ARHGEF26: variants seen among roughly 807,000 people sequenced by gnomAD.
ARHGEF26 encodes the protein Rho guanine nucleotide exchange factor 26.
A neutral mutation model predicts 89.4 loss-of-function variants in ARHGEF26; 59 were observed. The ratio of observed to expected loss-of-function variants is 0.66; its 90% CI spans 0.54 to 0.82. The LOEUF is 0.82. ARHGEF26 is among the 40% of genes least tolerant of loss of function. The pLI is 0.00. For missense variants in ARHGEF26, 1,234 were observed against 1,085.6 expected, an observed-to-expected ratio of 1.14 and a Z score of -1.92; for synonymous variants, 500 against 428.4, an observed-to-expected ratio of 1.17 and a Z score of -2.06.
At chr3:154,201,293 G>C (rs1225556996) in intron 9 of ARHGEF26, among the ~76,000 whole-genome samples, 1 of 151,924 alleles carries the variant, frequency 6.6e-6, no homozygotes, top group Admixed American at 6.6e-5. Context: ...TGAGAATGAT[G>C]GTTTCCAGCT....
intron 9 of ARHGEF26, among the ~76,000 whole-genome samples, chr3:154,201,669 T>G (rs1250134337): frequency 1.3e-5 from 2 of 150,780 alleles, no homozygotes; most frequent in African/African-American, 4.8e-5. Context: ...GCACCTGTTG[T>G]TTCCTGACTT....
At chr3:154,224,834 T>C (rs1428768000) in intron 10 of ARHGEF26, among the ~76,000 whole-genome samples, 2 of 152,234 alleles carry the variant, frequency 1.3e-5, no homozygotes, top group Non-Finnish European at 2.9e-5. Context: ...ATAAAAGCTC[T>C]TTATAAAGTT....
chr3:154,217,024 A>C (rs1049910168), intron 9 of ARHGEF26, among the ~76,000 whole-genome samples: 1 of 145,270 alleles, frequency 6.9e-6, no homozygotes, highest in Non-Finnish European at 1.5e-5. Flanking sequence ...TAGCAGCATG[A>C]TTTATAGTCC....
At chr3:154,135,689 T>A (rs912736020) in intron 4 of ARHGEF26, among the ~76,000 whole-genome samples, 1 of 152,154 alleles carries the variant, frequency 6.6e-6, no homozygotes, top group African/African-American at 2.4e-5. Flanking sequence ...AAATATTGAT[T>A]GTATTAGTCA....
intron 2 of ARHGEF26, 45 bp downstream of exon 2, chr3:154,123,120 G>A (rs757822119): frequency 5.5e-5 from 88 of 1,605,792 alleles, no homozygotes; most frequent in Non-Finnish European, 7.2e-5. Context: ...TAAGCGGAAA[G>A]TAAATGTGTT....
At chr3:154,159,109 A>G (rs956468407) in intron 6 of ARHGEF26, among the ~76,000 whole-genome samples, 3 of 152,212 alleles carry the variant, frequency 2.0e-5, no homozygotes, top group Middle Eastern at 3.4e-3. Flanking sequence ...AAATTAGATG[A>G]GTCTTTGCTT....
At chr3:154,198,067 C>T (rs1032513697) in intron 9 of ARHGEF26, among the ~76,000 whole-genome samples, 2 of 152,072 alleles carry the variant, frequency 1.3e-5, no homozygotes, top group Admixed American at 6.6e-5. Flanking sequence ...TTTCGTATAA[C>T]GTATTGCTTC....
chr3:154,174,702 A>G (rs1382426771), intron 6 of ARHGEF26, among the ~76,000 whole-genome samples: 1 of 152,054 alleles, frequency 6.6e-6, no homozygotes, highest in Non-Finnish European at 1.5e-5. Flanking sequence ...CAGATTTTTT[A>G]TATTAGAGCA....
In ARHGEF26 at chr3:154,256,981, T is replaced by C. The variant is rs897045548; in HGVS notation, c.*1508T>C. ...AGCTATATTCCCTCTCTGTTCTATT[T>C]GCTTTAACAAAGGGATAAAACCTGG... On this transcript the variant is annotated 3_prime_UTR_variant, in exon 15 of 15. Transcript: ENST00000465093. 2.0e-6 allele frequency: 3 copies of C among 1,523,140 alleles called. No individual in the cohort carries two copies. In the East Asian group the frequency reaches 7.4e-5, roughly 38 times the overall value. 94.4% of individuals were successfully genotyped at this position (1,523,140 alleles called of 1,614,324 possible). A position where few individuals can be genotyped will look rare whatever the true frequency, so the allele number is the denominator to read the frequency against.
At chr3:154,190,543 C>T (rs1158771827) in intron 7 of ARHGEF26, among the ~76,000 whole-genome samples, 1 of 152,132 alleles carries the variant, frequency 6.6e-6, no homozygotes, top group Non-Finnish European at 1.5e-5. Context: ...CTGGGTTTGA[C>T]TTCTGTCTTT....
At chr3:154,239,659 G>T (rs1029836813) in intron 11 of ARHGEF26, among the ~76,000 whole-genome samples, 3 of 152,072 alleles carry the variant, frequency 2.0e-5, no homozygotes, top group Non-Finnish European at 2.9e-5. Context: ...CTTAAATGAG[G>T]GAATTGCATT....
At chr3:154,228,368 C>A (rs1180208387) in intron 11 of ARHGEF26, among the ~76,000 whole-genome samples, 2 of 151,580 alleles carry the variant, frequency 1.3e-5, no homozygotes, top group East Asian at 3.9e-4. Context: ...AACTCCTGAC[C>A]TCAGGTGATC....
At chr3:154,188,307 C>G (rs965754304) in intron 7 of ARHGEF26, among the ~76,000 whole-genome samples, 17 of 152,170 alleles carry the variant, frequency 1.1e-4, no homozygotes, top group African/African-American at 3.6e-4. Flanking sequence ...TTATTCCCCC[C>G]ACTTGGGTAG....
At chr3:154,172,954 T>A (rs796788596) in intron 6 of ARHGEF26, among the ~76,000 whole-genome samples, 26 of 152,176 alleles carry the variant, frequency 1.7e-4, no homozygotes, top group African/African-American at 6.3e-4. Flanking sequence ...AATTGTTGAC[T>A]TTGAAGTAAA....
Position 154,256,613 on chromosome 3 carries a change from T to C in ARHGEF26, c.*1140T>C. 9.2e-7 allele frequency: 1 copy of C among 1,088,216 alleles called. No individual in the cohort carries two copies. The highest frequency in any genetic ancestry group is 1.1e-6 in the Non-Finnish European group (1 of 900,170). 67.4% of individuals were successfully genotyped at this position (1,088,216 alleles called of 1,614,324 possible). On this transcript the variant is annotated 3_prime_UTR_variant, in exon 15 of 15. Transcript: ENST00000465093. ...AGCTGATAAAAAACTGACGTGAGGC[T>C]GCTTTGCCTTCAATAATACCTAGTT...
intron 9 of ARHGEF26, among the ~76,000 whole-genome samples, chr3:154,207,787 A>G (rs1451570368): frequency 1.3e-5 from 2 of 152,198 alleles, no homozygotes; most frequent in Non-Finnish European, 2.9e-5. Context: ...TTATAAAGAC[A>G]CATGCACATG....
In ARHGEF26 at chr3:154,255,824, T is replaced by C; in HGVS notation, c.*351T>C. On this transcript the variant is annotated 3_prime_UTR_variant, in exon 15 of 15. Transcript: ENST00000465093. The stretch of plus-strand genomic sequence containing the variant: ...CTGGTTTTCTCTATCCTTGCATTAC[T>C]AAGGTGACTGTCTCTCTTTATACAT... 9.6e-7 allele frequency: 1 copy of C among 1,043,312 alleles called. No homozygotes were observed. The highest frequency in any genetic ancestry group is 1.2e-6 in the Non-Finnish European group (1 of 867,196). 64.6% of individuals were successfully genotyped at this position (1,043,312 alleles called of 1,614,324 possible). A position where few individuals can be genotyped will look rare whatever the true frequency, so the allele number is the denominator to read the frequency against.
intron 11 of ARHGEF26, among the ~76,000 whole-genome samples, chr3:154,239,617 G>C (rs1359387191): frequency 6.6e-6 from 1 of 152,024 alleles, no homozygotes; most frequent in Non-Finnish European, 1.5e-5. Context: ...GTTCAGAGAC[G>C]AGGCCAAGTA....
At chr3:154,147,866 A>T (rs957014183) in intron 4 of ARHGEF26, among the ~76,000 whole-genome samples, 4 of 149,550 alleles carry the variant, frequency 2.7e-5, no homozygotes, top group Admixed American at 6.7e-5. Flanking sequence ...CTACATTCTC[A>T]TTCTCCCCTG....
Sources: allele counts gnomAD v4.1 joint callset (sites outside exome capture counted in the v4.1 genomes callset), GRCh38; gene constraint gnomAD v4.1.1; transcripts MANE v1.5; gene names NCBI Gene and HGNC (gene_info 2026-07-23, HGNC 2026-07-21).